Variants in TINAG observed in about 807,000 individuals in gnomAD.
TINAG encodes tubulointerstitial nephritis antigen.
TINAG carries 83 observed loss-of-function variants against 72.7 expected under a neutral mutation model. The observed-to-expected ratio is 1.14, with a 90% CI of 0.96 to 1.37. The LOEUF is 1.37. Among genes scored for constraint, TINAG ranks in the 40% most tolerant of loss-of-function variants. TINAG has a pLI of 0.00. For missense variants in TINAG, 685 were observed against 576.6 expected (o/e 1.19, Z -1.93); for synonymous variants, 234 against 189.9 (o/e 1.23, Z -1.91).
rs1222073681 is a variant in TINAG at position 54,349,718 on chromosome 6, T to G, written c.902T>G (p.Leu301Arg). 9.6e-6 allele frequency: 15 copies of G among 1,560,670 alleles called. 1 individual carries two copies. The highest frequency in any genetic ancestry group is 7.2e-5 in the South Asian group (6 of 83,234). ...RAWWYLRKRG[L>R]VSHACYPLFK... is the part of the protein sequence containing the mutation. ...GCTTCTTTGCTTATTCCTCATAGAC[T>G]GGTATCCCACGCATGCTACCCACTT... Residue 301 changes from leucine (L) to arginine (R), a missense_variant and splice_region_variant, in exon 7 of 11, where the codon CTG becomes CGG. Transcript: ENST00000259782.
At chr6:54,372,142 C>T (rs965390034) in intron 9 of TINAG, among the ~76,000 whole-genome samples, 1 of 151,840 alleles carries the variant, frequency 6.6e-6, no homozygotes, top group African/African-American at 2.4e-5. Context: ...CAGACACCTG[C>T]CACCATGTCT....
intron 8 of TINAG, 43 bp from the exon 9 acceptor site, chr6:54,354,470 T>C (rs1341534705): frequency 6.6e-7 from 1 of 1,523,006 alleles, no homozygotes; most frequent in Non-Finnish European, 8.8e-7. Context: ...TTAAAGATGA[T>C]ATTTTAATAC....
In TINAG at chr6:54,308,646, G is replaced by C; in HGVS notation, c.96G>C (p.Glu32Asp). 6.2e-7 allele frequency: 1 copy of C among 1,613,736 alleles called. No homozygotes were observed. Among genetic ancestry groups the C allele is most frequent in the Non-Finnish European group, 8.5e-7 (1 of 1,179,840 alleles). The change falls in exon 1 of 11, where the codon GAG becomes GAC. Residue 32 changes from glutamate to aspartate, a missense_variant. Coordinates refer to ENST00000259782, the MANE Select transcript of TINAG (RefSeq NM_014464.4). Reference sequence around the variant, plus strand: ...TATCTCAAAGAGAAGTGGACCTAGAGGCTTATTTCACTAGGAATCACACCG... The same window carrying C: ...TATCTCAAAGAGAAGTGGACCTAGACGCTTATTTCACTAGGAATCACACCG... ...QYLSQREVDL[E>D]AYFTRNHTVL...
chr6:54,320,790 A>G (rs1025014743), intron 2 of TINAG, 148 bp downstream of exon 2: 29 of 570,520 alleles, frequency 5.1e-5, no homozygotes, highest in Non-Finnish European at 8.2e-5. Context: ...GTAACTTTGT[A>G]TAAGCATATT....
chr6:54,343,297 T>G lies in TINAG; in HGVS notation c.696T>G (p.His232Gln), dbSNP rs772445484. 1.9e-6 allele frequency: 3 copies of G among 1,576,246 alleles called. No individual in the cohort carries two copies. The highest frequency in any genetic ancestry group is 2.6e-6 in the Non-Finnish European group (3 of 1,159,094). The change falls in exon 5 of 11, where the codon CAT becomes CAG. Residue 232 changes from histidine (H) to glutamine (Q), a missense_variant. His to Gln is a conservative substitution (Grantham distance 24, BLOSUM62 0). Coordinates refer to ENST00000259782, the MANE Select transcript of TINAG (RefSeq NM_014464.4). ...CTTATAAATGGCCTGGATGGACTCATGGCCCATTGGATCAAAAAAATTGTG... is the reference window on the plus strand; with the variant it reads ...CTTATAAATGGCCTGGATGGACTCAGGGCCCATTGGATCAAAAAAATTGTG... ...VASYKWPGWT[H>Q]GPLDQKNCAA...
intron 3 of TINAG, among the ~76,000 whole-genome samples, chr6:54,326,343 A>T (rs1001972793): frequency 2.0e-5 from 3 of 152,038 alleles, no homozygotes; most frequent in African/African-American, 7.2e-5. Context: ...TGTCATTTTT[A>T]AAAATTATAC....
Position 54,363,791 on chromosome 6 carries a change from A to G in TINAG, c.1250+9155A>G, listed in dbSNP as rs1763318184. On this transcript the variant is annotated intron_variant, in intron 9 of 10. Transcript: ENST00000259782. The stretch of plus-strand genomic sequence containing the variant: ...TGAGTTTACAGAGACAGAGTGGGAG[A>G]GGCCAGTGAGGTTTAAAAAGAAAAA... 2.0e-5 allele frequency among the ~76,000 whole-genome samples: 3 copies of G among 151,352 alleles called. 1 individual carries two copies. Among genetic ancestry groups the G allele is most frequent in the African/African-American group, 4.8e-5 (2 of 41,320 alleles).
chr6:54,375,468 A>G (rs1763752826), intron 9 of TINAG, among the ~76,000 whole-genome samples: 1 of 152,152 alleles, frequency 6.6e-6, no homozygotes, highest in Admixed American at 6.6e-5. Flanking sequence ...GTTCACCTCA[A>G]GTAGTGCACA....
chr6:54,378,223 C>T (rs944204036), intron 9 of TINAG, among the ~76,000 whole-genome samples: 1 of 152,120 alleles, frequency 6.6e-6, no homozygotes, highest in East Asian at 1.9e-4. Context: ...AAGGTTAACA[C>T]CTTTTGTTAA....
intron 9 of TINAG, 88 bp from the exon 10 acceptor site, chr6:54,380,438 A>T (rs1763912971): frequency 9.1e-7 from 1 of 1,093,918 alleles, no homozygotes; most frequent in African/African-American, 1.6e-5. Context: ...AGCACAAAAG[A>T]TGTAGGAATG....
At chr6:54,320,712 T>C in intron 2 of TINAG, 70 bp downstream of exon 2, 1 of 1,262,036 alleles carries the variant, frequency 7.9e-7, no homozygotes, top group Non-Finnish European at 1.1e-6. Flanking sequence ...AAAAGAAATA[T>C]TTGTGAACCA....
chr6:54,349,523 A>T (rs1288630607), intron 6 of TINAG, among the ~76,000 whole-genome samples, 193 bp from the exon 7 acceptor site: 1 of 152,056 alleles, frequency 6.6e-6, no homozygotes, highest in Non-Finnish European at 1.5e-5. Flanking sequence ...ATTATAATGA[A>T]AAAATAAGAG....
chr6:54,335,737 G>A (rs115372060), intron 4 of TINAG, among the ~76,000 whole-genome samples: 93 of 152,200 alleles, frequency 6.1e-4, no homozygotes, highest in African/African-American at 1.9e-3. Flanking sequence ...CAGTGACAAC[G>A]AATTTCTTTT....
In TINAG at chr6:54,389,980, T is replaced by C. The variant is rs1212024503; in HGVS notation, c.*55T>C. 1 of 1,581,564 alleles carries C rather than the reference T, an allele frequency of 6.3e-7. No individual in the cohort carries two copies. The highest frequency in any genetic ancestry group is 2.0e-5 in the Admixed American group (1 of 51,086). ...CTTTAAGTAACCCCCTAAATTGAAG[T>C]TTAGCAATATGACATTCTTGGTGAC... is the stretch of plus-strand genomic sequence containing the variant. On this transcript the variant is annotated 3_prime_UTR_variant, in exon 11 of 11. Coordinates refer to ENST00000259782, the MANE Select transcript of TINAG (RefSeq NM_014464.4).
intron 9 of TINAG, among the ~76,000 whole-genome samples, chr6:54,359,922 C>T (rs894111895): frequency 6.6e-6 from 1 of 151,688 alleles, no homozygotes; most frequent in African/African-American, 2.4e-5. Flanking sequence ...TTAATATACT[C>T]CTAAGAAGTA....
chr6:54,315,862 C>T (rs1784361556), intron 1 of TINAG, among the ~76,000 whole-genome samples: 1 of 152,088 alleles, frequency 6.6e-6, no homozygotes, highest in Admixed American at 6.6e-5. Flanking sequence ...AATATGTTCA[C>T]ATTGGTAAAA....
At chr6:54,360,082 C>T (rs1763177383) in intron 9 of TINAG, among the ~76,000 whole-genome samples, 2 of 151,740 alleles carry the variant, frequency 1.3e-5, no homozygotes, top group African/African-American at 2.4e-5. Context: ...TAGTCCTCCT[C>T]TTAAGGAGTT....
chr6:54,325,952 A>C (rs1221037577), intron 3 of TINAG, among the ~76,000 whole-genome samples: 3 of 152,142 alleles, frequency 2.0e-5, no homozygotes, highest in South Asian at 2.1e-4. Context: ...TCACATTATA[A>C]ACGATTTTGG....
intron 1 of TINAG, among the ~76,000 whole-genome samples, chr6:54,318,857 T>C (rs1784429535): frequency 6.6e-6 from 1 of 152,140 alleles, no homozygotes; most frequent in Non-Finnish European, 1.5e-5. Context: ...TAACTGATTA[T>C]GGCTTTTGCT....
Sources: gnomAD v4.1 joint callset for allele counts (sites outside exome capture counted in the v4.1 genomes callset) on GRCh38, gnomAD v4.1.1 for gene constraint, MANE v1.5 for transcripts, NCBI Gene and HGNC (gene_info 2026-07-23, HGNC 2026-07-21) for gene names.